The following CNGB3 variants were observed in gnomAD, a reference collection of about 807,000 sequenced individuals.
CNGB3 encodes the protein cyclic nucleotide-gated channel beta-3.
In CNGB3, 86 loss-of-function variants were observed where a neutral mutation model predicts 92.8. The observed-to-expected ratio is 0.93, with a 90% CI of 0.78 to 1.11. CNGB3 has a LOEUF of 1.11. Among genes scored for constraint, CNGB3 ranks in the 50% least tolerant of loss-of-function variants. The pLI is 0.00. For missense variants in CNGB3, 1,026 were observed against 956.8 expected (o/e 1.07, Z -0.95); for synonymous variants, 333 against 332.7 (o/e 1.00, Z -0.01).
chr8:86,735,333 G>T (rs1825232370), intron 2 of CNGB3, among the ~76,000 whole-genome samples: 1 of 151,214 alleles, frequency 6.6e-6, no homozygotes, highest in Non-Finnish European at 1.5e-5. Context: ...TAGTAGAGAC[G>T]GGGTTTCACC....
intron 15 of CNGB3, among the ~76,000 whole-genome samples, chr8:86,603,812 C>G (rs1355107915): frequency 6.6e-6 from 1 of 152,196 alleles, no homozygotes; most frequent in East Asian, 1.9e-4. Flanking sequence ...CCTCTTCTCT[C>G]ATTTACTAAT....
intron 3 of CNGB3, among the ~76,000 whole-genome samples, chr8:86,718,853 G>A (rs1430463241): frequency 6.6e-6 from 1 of 151,988 alleles, no homozygotes; most frequent in African/African-American, 2.4e-5. Context: ...CAGGGATACA[G>A]GGATGGCTTT....
chr8:86,588,511 C>T (rs1262675739), intron 15 of CNGB3, among the ~76,000 whole-genome samples: 1 of 149,868 alleles, frequency 6.7e-6, no homozygotes, highest in African/African-American at 2.5e-5. Flanking sequence ...GAAATATGTC[C>T]CATCAATACC....
rs569674132 is a variant in CNGB3 at position 86,601,866 on chromosome 8, G to A, written c.1781+2227C>T. On this transcript the variant is annotated intron_variant, in intron 15 of 17. Coordinates refer to ENST00000320005, the MANE Select transcript of CNGB3 (RefSeq NM_019098.5). ...AGTTTAAAGTTTGTCTGTTCTACTG[G>A]TTTCAATTTGGCCTTAGAAACCAAA... is the stretch of plus-strand genomic sequence containing the variant. Among the ~76,000 whole-genome samples the A allele has an allele frequency of 7.2e-5, 11 of 152,274 alleles. No individual in the cohort carries two copies. In the East Asian group the frequency reaches 1.7e-3, roughly 24 times the overall value.
chr8:86,629,125 T>C lies in CNGB3; in HGVS notation c.1321-47A>G, dbSNP rs769656104. The C allele has an allele frequency of 6.2e-6, 10 of 1,601,566 alleles. No individual in the cohort carries two copies. The South Asian group carries it at 1.1e-4, about 18-fold the overall frequency. On this transcript the variant is annotated intron_variant, in intron 11 of 17. Transcript: ENST00000320005. ...CTCCACGCCCAGCAGAGGAAATGAG[T>C]TAATAAAAGTCAAATTACATGTTTT... is the stretch of plus-strand genomic sequence containing the variant.
intron 14 of CNGB3, among the ~76,000 whole-genome samples, chr8:86,607,720 A>T (rs1414555398): frequency 6.6e-6 from 1 of 152,014 alleles, no homozygotes; most frequent in Non-Finnish European, 1.5e-5. Context: ...GAAAACTCCC[A>T]CTCTTTCAAC....
At chr8:86,599,266 A>G (rs981108638) in intron 15 of CNGB3, among the ~76,000 whole-genome samples, 2 of 152,168 alleles carry the variant, frequency 1.3e-5, no homozygotes, top group African/African-American at 4.8e-5. Context: ...GTGATTTCCT[A>G]TGCTTGTCTT....
chr8:86,628,986 A>C lies in CNGB3; in HGVS notation c.1413T>G (p.Ile471Met). 6.2e-7 allele frequency: 1 copy of C among 1,614,028 alleles called. No homozygotes were observed. Among genetic ancestry groups the C allele is most frequent in the Non-Finnish European group, 8.5e-7 (1 of 1,179,958 alleles). ...GAACTCGCTTTTGCACAAGTTTAGGAATGGAGTAATTGTTCATGTAGGCAA... is the reference window on the plus strand; with the variant it reads ...GAACTCGCTTTTGCACAAGTTTAGGCATGGAGTAATTGTTCATGTAGGCAA... Reference protein sequence around the residue: ...DTIAYMNNYSIPKLVQKRVRT... With the variant: ...DTIAYMNNYSMPKLVQKRVRT... Residue 471 changes from isoleucine (I) to methionine (M), a missense_variant, in exon 12 of 18, where the codon ATT becomes ATG. By Grantham distance (10) the Ile-to-Met change is conservative. Transcript: ENST00000320005.
chr8:86,677,093 G>A (rs978641444), intron 3 of CNGB3, among the ~76,000 whole-genome samples: 2 of 152,080 alleles, frequency 1.3e-5, no homozygotes, highest in African/African-American at 4.8e-5. Context: ...AAAACACAAA[G>A]GATTGTTGGT....
chr8:86,595,900 A>G (rs986155126), intron 15 of CNGB3, among the ~76,000 whole-genome samples: 2 of 152,210 alleles, frequency 1.3e-5, no homozygotes, highest in African/African-American at 2.4e-5. Flanking sequence ...TATAAAGTAA[A>G]TATCAGAAAG....
At chr8:86,728,375 A>G (rs1397346632) in intron 2 of CNGB3, among the ~76,000 whole-genome samples, 1 of 147,784 alleles carries the variant, frequency 6.8e-6, no homozygotes, top group Non-Finnish European at 1.5e-5. Flanking sequence ...CACTTTCAAT[A>G]TGTCATTTTG....
intron 2 of CNGB3, among the ~76,000 whole-genome samples, chr8:86,738,532 T>A (rs1170537307): frequency 6.6e-6 from 1 of 152,154 alleles, no homozygotes; most frequent in Non-Finnish European, 1.5e-5. Context: ...AGGATGGTAT[T>A]GCTGAGATCG....
At chr8:86,663,604 C>G (rs1563745971) in intron 6 of CNGB3, among the ~76,000 whole-genome samples, 1 of 152,150 alleles carries the variant, frequency 6.6e-6, no homozygotes, top group African/African-American at 2.4e-5. Context: ...TACCTAGCAA[C>G]TGTAAGTATT....
chr8:86,739,145 G>A (rs1450940900), intron 2 of CNGB3, among the ~76,000 whole-genome samples: 1 of 152,074 alleles, frequency 6.6e-6, no homozygotes, highest in Non-Finnish European at 1.5e-5. Flanking sequence ...GACCTGATAC[G>A]GATTTAGAAT....
intron 5 of CNGB3, among the ~76,000 whole-genome samples, 199 bp downstream of exon 5, chr8:86,667,820 A>G (rs1823773129): frequency 6.6e-6 from 1 of 152,230 alleles, no homozygotes; most frequent in African/African-American, 2.4e-5. Flanking sequence ...CCTTTTAAAT[A>G]TAGGCAGGAA....
intron 15 of CNGB3, among the ~76,000 whole-genome samples, chr8:86,591,563 G>A (rs1285163107): frequency 6.6e-6 from 1 of 151,650 alleles, no homozygotes; most frequent in Non-Finnish European, 1.5e-5. Flanking sequence ...CTAACAGACA[G>A]GACCCTCAGC....
intron 15 of CNGB3, among the ~76,000 whole-genome samples, chr8:86,585,038 T>C (rs570710528): frequency 6.6e-6 from 1 of 152,296 alleles, no homozygotes; most frequent in South Asian, 2.1e-4. Flanking sequence ...CCATATTTAG[T>C]ACCTACTATA....
At position 86,643,804 on chromosome 8, in the gene CNGB3, T is replaced by C. The variant is rs780650641; in HGVS notation, c.1125A>G (p.Ser375=). The C allele has an allele frequency of 3.1e-6, 5 of 1,606,874 alleles. No individual in the cohort carries two copies. The African/African-American group carries it at 6.8e-5, about 22-fold the overall frequency. ...TAGTAGTGCCAATTCCTTCATAGTT[T>C]GAAGCCCAGTAATAAACACAGGCAT... ...HINACVYYWA[S]NYEGIGTTRW... Residue 375 remains serine, a synonymous_variant, in exon 10 of 18, where the codon TCA becomes TCG. Coordinates refer to ENST00000320005, the MANE Select transcript of CNGB3 (RefSeq NM_019098.5).
At chr8:86,658,708 G>A in intron 6 of CNGB3, 1 of 431,256 alleles carries the variant, frequency 2.3e-6, no homozygotes, top group East Asian at 5.3e-5. Context: ...TTCTTGATGT[G>A]CTGCTCCGAC....
Sources: allele counts gnomAD v4.1 joint callset (sites outside exome capture counted in the v4.1 genomes callset), GRCh38; gene constraint gnomAD v4.1.1; transcripts MANE v1.5; gene names NCBI Gene and HGNC (gene_info 2026-07-23, HGNC 2026-07-21).